STAT1: variants seen among roughly 807,000 people sequenced by gnomAD.
STAT1 encodes the protein signal transducer and activator of transcription 1, also known as signal transducer and activator of transcription 1-alpha/beta.
A neutral mutation model predicts 111.7 loss-of-function variants in STAT1; 24 were observed. That is an observed-to-expected ratio of 0.21 (90% confidence interval 0.16 to 0.30). STAT1 has a LOEUF of 0.30. Among genes scored for constraint, STAT1 ranks in the 10% least tolerant of loss-of-function variants. STAT1 has a pLI of 1.00. For missense variants in STAT1, 351 were observed against 911.9 expected, an observed-to-expected ratio of 0.38 and a Z score of 7.92; for synonymous variants, 332 against 326.5, an observed-to-expected ratio of 1.02 and a Z score of -0.18.
In STAT1 at chr2:190,969,899, A is replaced by C. The variant is rs1024508098; in HGVS notation, c.*804T>G. 2.0e-5 allele frequency: 3 copies of C among 152,196 alleles called. No individual in the cohort carries two copies. The highest frequency in any genetic ancestry group is 7.2e-5 in the African/African-American group (3 of 41,434). 9.4% of individuals were successfully genotyped at this position (152,196 alleles called of 1,614,324 possible). A position where few individuals can be genotyped will look rare whatever the true frequency, so the allele number is the denominator to read the frequency against. On this transcript the variant is annotated 3_prime_UTR_variant, in exon 25 of 25. Coordinates refer to ENST00000361099, the MANE Select transcript of STAT1 (RefSeq NM_007315.4). ...TGAATGAGTGGTTGTGAATAGCCTA[A>C]CTCCCTTGGGAGAACTGTAAAAATA... is the stretch of plus-strand genomic sequence containing the variant.
chr2:190,978,744 G>C lies in STAT1; in HGVS notation c.1873+112C>G. 6 of 1,404,802 alleles carry C rather than the reference G, an allele frequency of 4.3e-6. No homozygotes were observed. The highest frequency in any genetic ancestry group is 5.9e-6 in the Non-Finnish European group (6 of 1,020,230). The allele number at this position is 1,404,802 out of a possible 1,614,324, so 87.0% of individuals were successfully genotyped here. A position where few individuals can be genotyped will look rare whatever the true frequency, so the allele number is the denominator to read the frequency against. On this transcript the variant is annotated intron_variant, in intron 21 of 24. Transcript: ENST00000361099. This position sits in a 1 kb window ranked among gnomAD's most constrained non-coding sequence, Gnocchi z 6.1. ...GGGGGCTCATTTGGGGTAAGTATAA[G>C]ATCTGCAATTTCATGTCCCAAACGC...
rs1306244648 is a variant in STAT1 at position 190,977,216 on chromosome 2, AGG to A, written c.1874-193_1874-192del. On this transcript the variant is annotated intron_variant, in intron 21 of 24. Coordinates refer to ENST00000361099, the MANE Select transcript of STAT1 (RefSeq NM_007315.4). This position sits in a 1 kb window ranked among gnomAD's most constrained non-coding sequence, Gnocchi z 4.7. The stretch of plus-strand genomic sequence containing the variant: ...TATAATACTGTCTCAGGGAAAATAA[AGG>A]GAGGTATTATTCTCAATAACATTCT... Among the ~76,000 whole-genome samples the A allele has an allele frequency of 2.0e-5, 3 of 152,222 alleles. No homozygotes were observed. The highest frequency in any genetic ancestry group is 4.4e-5 in the Non-Finnish European group (3 of 68,030).
chr2:190,998,136 T>C lies in STAT1; in HGVS notation c.633+81A>G. 2 of 1,564,668 alleles carry C rather than the reference T, an allele frequency of 1.3e-6. No individual in the cohort carries two copies. The highest frequency in any genetic ancestry group is 2.2e-5 in the South Asian group (2 of 89,392). On this transcript the variant is annotated intron_variant, in intron 8 of 24. Coordinates refer to ENST00000361099, the MANE Select transcript of STAT1 (RefSeq NM_007315.4). The surrounding 1 kb of genome is among the most constrained non-coding windows in gnomAD (Gnocchi z 4.1). ...GGCTCTAAGCCAGGTGGCTATAATTTTTCCTCTCTTCTAAACTTTGAGTCC... is the reference window on the plus strand; with the variant it reads ...GGCTCTAAGCCAGGTGGCTATAATTCTTCCTCTCTTCTAAACTTTGAGTCC...
At position 191,012,347 on chromosome 2, in the gene STAT1, C is replaced by A. The variant is rs138684596; in HGVS notation, c.-2+1178G>T. Among the ~76,000 whole-genome samples, 183 of 151,346 alleles carry A rather than the reference C, an allele frequency of 1.2e-3. No individual in the cohort carries two copies. In the East Asian group the frequency reaches 0.032, roughly 27 times the overall value. On this transcript the variant is annotated intron_variant, in intron 2 of 24. Coordinates refer to ENST00000361099, the MANE Select transcript of STAT1 (RefSeq NM_007315.4). This position sits in a 1 kb window ranked among gnomAD's most constrained non-coding sequence, Gnocchi z 4.0. Reference sequence around the variant, plus strand: ...AGGGGAATTGCTTGAACCCAGGAGGCGGAGGTTGCAGTGAGCTGAGATCGC... The same window carrying A: ...AGGGGAATTGCTTGAACCCAGGAGGAGGAGGTTGCAGTGAGCTGAGATCGC...
At position 190,993,622 on chromosome 2, in the gene STAT1, C is replaced by A; in HGVS notation, c.944+1439G>T. On this transcript the variant is annotated intron_variant, in intron 10 of 24. Transcript: ENST00000361099. This position sits in a 1 kb window ranked among gnomAD's most constrained non-coding sequence, Gnocchi z 4.1. ...CACCCTTGCTGCTACAGCTGCTGCC[C>A]TGACTCTCTGCACCACGGGTAACTG... 1 of 575,496 alleles carries A rather than the reference C, an allele frequency of 1.7e-6. No individual in the cohort carries two copies. Among genetic ancestry groups the A allele is most frequent in the South Asian group, 1.5e-5 (1 of 64,814 alleles). 35.6% of individuals were successfully genotyped at this position (575,496 alleles called of 1,614,324 possible).
Position 190,970,395 on chromosome 2 carries a change from C to G in STAT1, c.*308G>C, listed in dbSNP as rs1691361095. ...ACATTTGCTAGATGTTGCTTAACTTCTCCTTTCCCAAAGGACCCTCATTCT... is the reference window on the plus strand; with the variant it reads ...ACATTTGCTAGATGTTGCTTAACTTGTCCTTTCCCAAAGGACCCTCATTCT... On this transcript the variant is annotated 3_prime_UTR_variant, in exon 25 of 25. Transcript: ENST00000361099. This position sits in a 1 kb window ranked among gnomAD's most constrained non-coding sequence, Gnocchi z 5.4. The G allele has an allele frequency of 2.2e-6, 1 of 459,044 alleles. No homozygotes were observed. Among genetic ancestry groups the G allele is most frequent in the African/African-American group, 2.0e-5 (1 of 50,514 alleles). 28.4% of individuals were successfully genotyped at this position (459,044 alleles called of 1,614,324 possible). A position where few individuals can be genotyped will look rare whatever the true frequency, so the allele number is the denominator to read the frequency against.
Position 190,987,290 on chromosome 2 carries a change from G to A in STAT1, c.1098-222C>T, listed in dbSNP as rs1271613604. 1.3e-5 allele frequency among the ~76,000 whole-genome samples: 2 copies of A among 152,114 alleles called. No homozygotes were observed. The highest frequency in any genetic ancestry group is 6.5e-5 in the Admixed American group (1 of 15,278). On this transcript the variant is annotated intron_variant, in intron 12 of 24. Coordinates refer to ENST00000361099, the MANE Select transcript of STAT1 (RefSeq NM_007315.4). This position sits in a 1 kb window ranked among gnomAD's most constrained non-coding sequence, Gnocchi z 4.0. ...GACCTTTGGCAAATAAATGGTCTGG[G>A]CCTTACATTGTTCATTTGCACAACA... is the stretch of plus-strand genomic sequence containing the variant.
At chr2:191,001,020 T>C in intron 6 of STAT1, 54 bp downstream of exon 6, 1 of 1,446,498 alleles carries the variant, frequency 6.9e-7, no homozygotes, top group South Asian at 1.1e-5. Context: ...ATTGAAACCT[T>C]TTTTCCCCTA....
intron 15 of STAT1, among the ~76,000 whole-genome samples, chr2:190,985,170 TAGGA>T (rs1163557978): frequency 2.6e-5 from 4 of 152,202 alleles, no homozygotes; most frequent in African/African-American, 9.6e-5. Context: ...GATCACGCTG[TAGGA>T]AGGAAACTGA....
chr2:190,992,928 T>G (rs887293415), intron 10 of STAT1: 1 of 269,812 alleles, frequency 3.7e-6, no homozygotes, highest in African/African-American at 2.3e-5. Context: ...TAGCTGGGAT[T>G]ACAGGCGCCC....
rs1692132917 is a variant in STAT1, at chr2:190,979,029, G to A, written c.1728-28C>T. 3 of 1,613,840 alleles carry A rather than the reference G, an allele frequency of 1.9e-6. No individual in the cohort carries two copies. Among genetic ancestry groups the A allele is most frequent in the Non-Finnish European group, 2.5e-6 (3 of 1,179,868 alleles). ...GGATATCGAAGAGATGGACGGATGG[G>A]CTTTTAGTTCAATCATGATTTCCAT... On this transcript the variant is annotated intron_variant, in intron 20 of 24. Transcript: ENST00000361099. The surrounding 1 kb of genome is among the most constrained non-coding windows in gnomAD (Gnocchi z 5.8).
Position 190,979,763 on chromosome 2 carries a change from G to A in STAT1, c.1727+9C>T, listed in dbSNP as rs973224914. 3.1e-6 allele frequency: 5 copies of A among 1,599,618 alleles called. No individual in the cohort carries two copies. The highest frequency in any genetic ancestry group is 1.3e-5 in the African/African-American group (1 of 74,564). On this transcript the variant is annotated intron_variant, in intron 20 of 24. Coordinates refer to ENST00000361099, the MANE Select transcript of STAT1 (RefSeq NM_007315.4). The surrounding 1 kb of genome is among the most constrained non-coding windows in gnomAD (Gnocchi z 5.8). ...TATGTTTCAAAATACATCTATCGGT[G>A]GCCCTTACCCATCATTCCAGAGAGG...
At chr2:190,994,877 C>T (rs535533116) in intron 10 of STAT1, among the ~76,000 whole-genome samples, 184 bp downstream of exon 10, 1 of 143,090 alleles carries the variant, frequency 7.0e-6, no homozygotes, top group Non-Finnish European at 1.5e-5. Context: ...GATCACGCCA[C>T]TGCACTCTAG....
In STAT1 at chr2:191,007,866, T is replaced by C. The variant is rs1694825210; in HGVS notation, c.274-205A>G. 3 of 596,512 alleles carry C rather than the reference T, an allele frequency of 5.0e-6. No homozygotes were observed. The highest frequency in any genetic ancestry group is 8.9e-6 in the Non-Finnish European group (3 of 335,570). 37.0% of individuals were successfully genotyped at this position (596,512 alleles called of 1,614,324 possible). A position where few individuals can be genotyped will look rare whatever the true frequency, so the allele number is the denominator to read the frequency against. ...ATTGCTTTAACTTTCTAAGTGCAGG[T>C]ACCTAACGTACTTTTTGATTTAAAA... is the stretch of plus-strand genomic sequence containing the variant. On this transcript the variant is annotated intron_variant, in intron 4 of 24. Transcript: ENST00000361099. The surrounding 1 kb of genome is among the most constrained non-coding windows in gnomAD (Gnocchi z 4.2).
At position 190,972,051 on chromosome 2, in the gene STAT1, G is replaced by A. The variant is rs45473507; in HGVS notation, c.2239-1334C>T. On this transcript the variant is annotated intron_variant, in intron 24 of 24. Coordinates refer to ENST00000361099, the MANE Select transcript of STAT1 (RefSeq NM_007315.4). ...AAATGTGTGCTTAATAGGGTGGACC[G>A]TGGGGGTAAAGAGAGGGAGGGAGGG... Among the ~76,000 whole-genome samples, 746 of 152,166 alleles carry A rather than the reference G, an allele frequency of 4.9e-3. 8 individuals carry two copies. The highest frequency in any genetic ancestry group is 0.017 in the African/African-American group (700 of 41,502).
Position 190,997,935 on chromosome 2 carries a change from G to C in STAT1, c.706C>G (p.Leu236Val). The change falls in exon 9 of 25, where the codon CTA becomes GTA. Residue 236 changes from leucine (L) to valine (V), a missense_variant. By Grantham distance (32) the Leu-to-Val change is conservative (BLOSUM62 1). Around this residue, in one of 7 missense-constraint regions of STAT1, gnomAD observed 67 missense variants for 158.9 expected, o/e 0.42. Coordinates refer to ENST00000361099, the MANE Select transcript of STAT1 (RefSeq NM_007315.4). The surrounding 1 kb of genome is among the most constrained non-coding windows in gnomAD (Gnocchi z 7.3). ...LTQNALINDE[L>V]VEWKRRQQSA... ...TGCTGTCTCCGCTTCCACTCCACTA[G>C]TTCATCATTAATCAGGGCATTCTGG... is the stretch of plus-strand genomic sequence containing the variant. 6.2e-7 allele frequency: 1 copy of C among 1,614,194 alleles called. No homozygotes were observed. Among genetic ancestry groups the C allele is most frequent in the Non-Finnish European group, 8.5e-7 (1 of 1,180,040 alleles).
intron 24 of STAT1, among the ~76,000 whole-genome samples, chr2:190,972,728 C>A (rs1691589050): frequency 7.1e-6 from 1 of 141,098 alleles, no homozygotes. Flanking sequence ...TTTTTCTTTT[C>A]TTTTCTTTTT....
At position 190,993,885 on chromosome 2, in the gene STAT1, G is replaced by A. The variant is rs576637567; in HGVS notation, c.944+1176C>T. On this transcript the variant is annotated intron_variant, in intron 10 of 24. Coordinates refer to ENST00000361099, the MANE Select transcript of STAT1 (RefSeq NM_007315.4). The surrounding 1 kb of genome is among the most constrained non-coding windows in gnomAD (Gnocchi z 4.1). ...GTCTAGAGAGCCTACTGTTCACAAG[G>A]CACTGCGCTAGGTCCTGCTGGGGGA... Among the ~76,000 whole-genome samples, 1 of 152,168 alleles carries A rather than the reference G, an allele frequency of 6.6e-6. No homozygotes were observed. The highest frequency in any genetic ancestry group is 2.1e-4 in the South Asian group (1 of 4,820).
In STAT1 at chr2:190,975,440, A is replaced by G; in HGVS notation, c.2135+372T>C. On this transcript the variant is annotated intron_variant, in intron 23 of 24. Coordinates refer to ENST00000361099, the MANE Select transcript of STAT1 (RefSeq NM_007315.4). The surrounding 1 kb of genome is among the most constrained non-coding windows in gnomAD (Gnocchi z 5.9). ...ATTTCCAAAATTTTTTCTACCTTTTATAAAATGAAACAACAAAATCAAAGC... is the reference window on the plus strand; with the variant it reads ...ATTTCCAAAATTTTTTCTACCTTTTGTAAAATGAAACAACAAAATCAAAGC... The G allele has an allele frequency of 2.4e-6, 2 of 849,546 alleles. No individual in the cohort carries two copies. Among genetic ancestry groups the G allele is most frequent in the South Asian group, 2.8e-5 (2 of 71,478 alleles). 52.6% of individuals were successfully genotyped at this position (849,546 alleles called of 1,614,324 possible). A position where few individuals can be genotyped will look rare whatever the true frequency, so the allele number is the denominator to read the frequency against.
Sources: gnomAD v4.1 joint callset for allele counts (sites outside exome capture counted in the v4.1 genomes callset) on GRCh38, gnomAD v4.1.1 for gene constraint, gnomAD v4.1.1 regional missense constraint, Gnocchi (gnomAD v3.1) non-coding constraint, MANE v1.5 for transcripts, NCBI Gene and HGNC (gene_info 2026-07-23, HGNC 2026-07-21) for gene names.